The following AP3B1 variants were observed in gnomAD, a reference collection of about 807,000 sequenced individuals.
AP3B1 encodes the protein adaptor related protein complex 3 subunit beta 1.
A neutral mutation model predicts 132.5 loss-of-function variants in AP3B1; 61 were observed. The observed-to-expected ratio is 0.46, with a 90% confidence interval of 0.37 to 0.57. The LOEUF is 0.57. Ranked by LOEUF, AP3B1 falls within the 20% of genes least tolerant of loss-of-function variation. The probability of loss-of-function intolerance (pLI) is 0.00; values close to 1 mark genes in which losing one functional copy is unlikely to be tolerated. For synonymous variants in AP3B1, 388 were observed against 438.3 expected (o/e 0.89, Z 1.43); for missense variants, 1,120 against 1,289.4 (o/e 0.87, Z 2.01).
chr5:78,233,018 T>C (rs1039414933), intron 3 of AP3B1, among the ~76,000 whole-genome samples: 1 of 152,164 alleles, frequency 6.6e-6, no homozygotes, highest in African/African-American at 2.4e-5. Flanking sequence ...CCTTCATCTA[T>C]GTTTTTCAAT....
chr5:78,274,909 C>T (rs940373811), intron 1 of AP3B1, among the ~76,000 whole-genome samples: 1 of 130,088 alleles, frequency 7.7e-6, no homozygotes, highest in Non-Finnish European at 1.8e-5. Context: ...TGGGTGAGAC[C>T]CTATCTTTTT....
At chr5:78,102,277 A>G (rs906515218) in intron 20 of AP3B1, among the ~76,000 whole-genome samples, 1 of 152,132 alleles carries the variant, frequency 6.6e-6, no homozygotes, top group African/African-American at 2.4e-5. Flanking sequence ...CATAGGTAAC[A>G]TTTTAAAATA....
intron 1 of AP3B1, among the ~76,000 whole-genome samples, chr5:78,287,561 T>C (rs1247922499): frequency 2.0e-5 from 3 of 152,160 alleles, no homozygotes; most frequent in African/African-American, 7.2e-5. Flanking sequence ...TTTGAATAGT[T>C]GGCCCTTTGT....
chr5:78,276,227 G>A (rs746125399), intron 1 of AP3B1, among the ~76,000 whole-genome samples: 4 of 151,952 alleles, frequency 2.6e-5, no homozygotes, highest in Non-Finnish European at 4.4e-5. Context: ...TACCTTGCCT[G>A]GCTAATGTTT....
chr5:78,007,305 C>T (rs1746435967), intron 26 of AP3B1, among the ~76,000 whole-genome samples: 2 of 152,194 alleles, frequency 1.3e-5, no homozygotes, highest in African/African-American at 4.8e-5. Flanking sequence ...TGCAACAGCT[C>T]TAAGACATGC....
chr5:78,250,238 T>A (rs376360490), intron 2 of AP3B1, among the ~76,000 whole-genome samples: 22 of 152,218 alleles, frequency 1.4e-4, no homozygotes, highest in South Asian at 1.0e-3. Flanking sequence ...AACAGCAGAA[T>A]ATATAGTACC....
chr5:78,084,546 A>AAT (rs1750154236), intron 22 of AP3B1, among the ~76,000 whole-genome samples: 1 of 148,050 alleles, frequency 6.8e-6, no homozygotes, highest in Non-Finnish European at 1.5e-5. Flanking sequence ...AAAAAAAAAA[A>AAT]GAAAAGAAGA....
At chr5:78,150,331 T>C (rs1337230951) in intron 14 of AP3B1, among the ~76,000 whole-genome samples, 1 of 152,042 alleles carries the variant, frequency 6.6e-6, no homozygotes, top group Non-Finnish European at 1.5e-5. Context: ...AAGGACGAAG[T>C]AGTTAGCGTA....
chr5:78,086,800 G>A (rs1285433379), intron 22 of AP3B1, among the ~76,000 whole-genome samples: 1 of 152,048 alleles, frequency 6.6e-6, no homozygotes. Context: ...TGGACAACGT[G>A]CTTAAAATTA....
intron 23 of AP3B1, among the ~76,000 whole-genome samples, chr5:78,037,348 A>G (rs1747849935): frequency 6.6e-6 from 1 of 152,178 alleles, no homozygotes; most frequent in Admixed American, 6.5e-5. Context: ...AACAAAAATA[A>G]CACAATAATT....
At chr5:78,136,177 A>G (rs981093289) in intron 15 of AP3B1, among the ~76,000 whole-genome samples, 2 of 152,168 alleles carry the variant, frequency 1.3e-5, no homozygotes, top group Non-Finnish European at 2.9e-5. Context: ...AGAAGAATAC[A>G]GCAGTTGCTC....
chr5:78,067,065 A>G (rs113610764), intron 22 of AP3B1, among the ~76,000 whole-genome samples: 6,549 of 152,238 alleles, frequency 0.043, 453 homozygotes, highest in African/African-American at 0.14. Context: ...GGCCAAACTA[A>G]GCTTCAAAAA....
chr5:78,012,919 A>G (rs1014751244), intron 26 of AP3B1, among the ~76,000 whole-genome samples: 1 of 152,258 alleles, frequency 6.6e-6, no homozygotes, highest in Non-Finnish European at 1.5e-5. Context: ...CAAACCAGCA[A>G]GACAAGTTAC....
chr5:78,003,760 T>C (rs1337151514), intron 26 of AP3B1, among the ~76,000 whole-genome samples: 1 of 152,186 alleles, frequency 6.6e-6, no homozygotes, highest in Admixed American at 6.5e-5. Flanking sequence ...GCTCTAACTC[T>C]AAATTCCAAG....
chr5:78,197,981 G>T (rs1449783049), intron 7 of AP3B1, among the ~76,000 whole-genome samples: 1 of 152,160 alleles, frequency 6.6e-6, no homozygotes, highest in African/African-American at 2.4e-5. Context: ...TTTCACAGAT[G>T]AAAGAACTGA....
intron 7 of AP3B1, among the ~76,000 whole-genome samples, chr5:78,184,100 C>A (rs1225880567): frequency 1.3e-5 from 2 of 150,548 alleles, no homozygotes; most frequent in African/African-American, 2.5e-5. Context: ...CCCTGGGAGG[C>A]GGAGGTTGCA....
chr5:78,038,653 T>C (rs1747911002), intron 23 of AP3B1, among the ~76,000 whole-genome samples: 1 of 152,186 alleles, frequency 6.6e-6, no homozygotes, highest in Admixed American at 6.5e-5. Flanking sequence ...AAGTATTGTA[T>C]TCAGAAATGC....
chr5:78,050,123 C>T (rs1247006143), intron 22 of AP3B1, among the ~76,000 whole-genome samples: 1 of 152,092 alleles, frequency 6.6e-6, no homozygotes, highest in Non-Finnish European at 1.5e-5. Context: ...GGACCCTCTA[C>T]CTGGAAGGCA....
At chr5:78,276,317 C>T (rs1417011773) in intron 1 of AP3B1, among the ~76,000 whole-genome samples, 1 of 152,162 alleles carries the variant, frequency 6.6e-6, no homozygotes, top group African/African-American at 2.4e-5. Flanking sequence ...ATCCTCCCAC[C>T]TCAGTCTCCA....
Sources: allele counts gnomAD v4.1 joint callset (sites outside exome capture counted in the v4.1 genomes callset), GRCh38; gene constraint gnomAD v4.1.1; transcripts MANE v1.5; gene names NCBI Gene and HGNC (gene_info 2026-07-23, HGNC 2026-07-21).